The following ASIC2 variants were observed in gnomAD, a reference collection of about 807,000 sequenced individuals.
The protein encoded by ASIC2 is acid sensing ion channel subunit 2.
A neutral mutation model predicts 57.3 loss-of-function variants in ASIC2; 25 were observed. That is an observed-to-expected ratio of 0.44 (90% CI 0.32 to 0.61). ASIC2 has a LOEUF of 0.61. Among genes scored for constraint, ASIC2 ranks in the 20% least tolerant of loss-of-function variants. ASIC2 has a pLI of 0.06. For missense variants in ASIC2, 641 were observed against 738.1 expected (o/e 0.87, Z 1.52); for synonymous variants, 319 against 307.5 (o/e 1.04, Z -0.39).
At chr17:33,421,993 T>C (rs1265594840) in intron 1 of ASIC2, among the ~76,000 whole-genome samples, 1 of 152,218 alleles carries the variant, frequency 6.6e-6, no homozygotes, top group African/African-American at 2.4e-5. Flanking sequence ...ACTTGGAATG[T>C]TTTTCCCAAC....
intron 1 of ASIC2, among the ~76,000 whole-genome samples, chr17:33,844,782 G>A (rs1913533103): frequency 6.6e-6 from 1 of 152,184 alleles, no homozygotes; most frequent in Non-Finnish European, 1.5e-5. Context: ...GCAAATATCA[G>A]ATTATATTAG....
At chr17:33,610,449 A>AC (rs142903951) in intron 1 of ASIC2, among the ~76,000 whole-genome samples, 2 of 151,564 alleles carry the variant, frequency 1.3e-5, no homozygotes, top group South Asian at 2.1e-4. Context: ...GAGGCACCAC[A>AC]CCCCCCACCG....
chr17:34,121,702 T>C (rs1009787321), intron 1 of ASIC2, among the ~76,000 whole-genome samples: 2 of 152,224 alleles, frequency 1.3e-5, no homozygotes, highest in African/African-American at 4.8e-5. Flanking sequence ...TACTTCATGA[T>C]GAAGGCTGTA....
intron 1 of ASIC2, among the ~76,000 whole-genome samples, chr17:33,680,064 G>A (rs1415061869): frequency 6.6e-6 from 1 of 152,076 alleles, no homozygotes; most frequent in South Asian, 2.1e-4. Flanking sequence ...GACCTTTGAC[G>A]GTCAGAAATG....
At chr17:33,794,023 T>C (rs1007217610) in intron 1 of ASIC2, 1 of 152,212 alleles carries the variant, frequency 6.6e-6, no homozygotes, top group African/African-American at 2.4e-5. Flanking sequence ...AGGTGTTATT[T>C]ATCCTGACTT....
At chr17:34,085,569 A>G (rs941386125) in intron 1 of ASIC2, among the ~76,000 whole-genome samples, 24 of 152,198 alleles carry the variant, frequency 1.6e-4, no homozygotes, top group Non-Finnish European at 3.1e-4. Flanking sequence ...AGTTGGGGAG[A>G]ATTCCCTCTT....
intron 1 of ASIC2, among the ~76,000 whole-genome samples, chr17:33,780,586 T>C (rs1911420527): frequency 6.6e-6 from 1 of 152,210 alleles, no homozygotes. Context: ...AGTCAATTTC[T>C]TGGATGAGTT....
upstream of ASIC2, among the ~76,000 whole-genome samples, chr17:33,297,638 C>T (rs555734154): frequency 2.0e-5 from 3 of 151,980 alleles, no homozygotes; most frequent in Non-Finnish European, 4.4e-5. Context: ...GCCTGGGCAA[C>T]ATGGCAAAAC....
intron 1 of ASIC2, among the ~76,000 whole-genome samples, chr17:33,132,754 T>C (rs1448946542): frequency 6.6e-6 from 1 of 152,216 alleles, no homozygotes; most frequent in Non-Finnish European, 1.5e-5. Context: ...GTCTCATGTC[T>C]GGCCCTTGGA....
At chr17:33,898,886 A>G (rs1915168198) in intron 1 of ASIC2, among the ~76,000 whole-genome samples, 1 of 152,200 alleles carries the variant, frequency 6.6e-6, no homozygotes, top group Non-Finnish European at 1.5e-5. Context: ...GCACAAGAAT[A>G]TTAACTTTCC....
intron 1 of ASIC2, among the ~76,000 whole-genome samples, chr17:33,264,920 C>G (rs147738212): frequency 2.0e-3 from 309 of 152,358 alleles, no homozygotes; most frequent in African/African-American, 6.7e-3. Flanking sequence ...TCTGGCCCAG[C>G]TGGATGTAAA....
intron 1 of ASIC2, among the ~76,000 whole-genome samples, chr17:34,029,199 ACTTGTCTATCTTT>A (rs1907492891): frequency 6.6e-6 from 1 of 151,988 alleles, no homozygotes; most frequent in Admixed American, 6.5e-5. Context: ...TATATATTCT[ACTTGTCTATCTTT>A]CTTGTCTACA....
chr17:33,378,263 G>A (rs1909351157), intron 1 of ASIC2, among the ~76,000 whole-genome samples: 1 of 152,198 alleles, frequency 6.6e-6, no homozygotes, highest in South Asian at 2.1e-4. Flanking sequence ...CTCCTTCACT[G>A]CCTTCTCTGC....
chr17:34,145,063 ACAAATTCCT>A (rs1262798941), intron 1 of ASIC2, among the ~76,000 whole-genome samples: 1 of 152,214 alleles, frequency 6.6e-6, no homozygotes, highest in Non-Finnish European at 1.5e-5. Context: ...AGAATTTATG[ACAAATTCCT>A]CTGGGAACTG....
At chr17:33,269,625 T>C (rs1307008729) in intron 1 of ASIC2, among the ~76,000 whole-genome samples, 1 of 48,142 alleles carries the variant, frequency 2.1e-5, no homozygotes, top group Non-Finnish European at 4.6e-5. Flanking sequence ...CTTCCTTCCT[T>C]CCTTCCTTCC....
chr17:33,321,874 C>A (rs562605830), intron 1 of ASIC2, among the ~76,000 whole-genome samples: 51 of 152,334 alleles, frequency 3.3e-4, no homozygotes, highest in African/African-American at 1.1e-3. Context: ...AAGCCATTGG[C>A]AGATTGCAGG....
intron 1 of ASIC2, among the ~76,000 whole-genome samples, chr17:33,322,812 G>C (rs771501537): frequency 6.6e-6 from 1 of 152,142 alleles, no homozygotes; most frequent in Non-Finnish European, 1.5e-5. Flanking sequence ...AGGCTTCTCG[G>C]AGGAGGCTTC....
chr17:33,828,395 C>A (rs2141898642), intron 1 of ASIC2: 1 of 152,294 alleles, frequency 6.6e-6, no homozygotes, highest in African/African-American at 2.4e-5. Context: ...TCAAATCTAT[C>A]TGGAAACCTT....
chr17:33,856,843 G>A (rs1003644250), intron 1 of ASIC2, among the ~76,000 whole-genome samples: 1 of 152,144 alleles, frequency 6.6e-6, no homozygotes, highest in Non-Finnish European at 1.5e-5. Context: ...GGGGGTGTAT[G>A]GGACAGGGGT....
Sources: gnomAD v4.1 joint callset for allele counts (sites outside exome capture counted in the v4.1 genomes callset) on GRCh38, gnomAD v4.1.1 for gene constraint, MANE v1.5 for transcripts, NCBI Gene and HGNC (gene_info 2026-07-23, HGNC 2026-07-21) for gene names.